PPM1L: variants seen among roughly 807,000 people sequenced by gnomAD.
The protein encoded by PPM1L is protein phosphatase 1L.
Under a neutral mutation model 31.4 loss-of-function variants are expected in PPM1L, and 13 were observed. The ratio of observed to expected loss-of-function variants is 0.41; its 90% CI spans 0.27 to 0.66. The LOEUF (loss-of-function observed/expected upper bound fraction) is 0.66, where lower values mean the gene tolerates loss of function less well. Among genes scored for constraint, PPM1L ranks in the 30% least tolerant of loss-of-function variants. The pLI, the probability that PPM1L is intolerant of heterozygous loss-of-function variation, is 0.29. For synonymous variants in PPM1L, 184 were observed against 175.4 expected, an observed-to-expected ratio of 1.05 and a Z score of -0.39; for missense variants, 326 against 453.7, an observed-to-expected ratio of 0.72 and a Z score of 2.56.
intron 2 of PPM1L, among the ~76,000 whole-genome samples, chr3:161,015,009 A>G (rs567290800): frequency 5.9e-5 from 9 of 151,958 alleles, no homozygotes; most frequent in African/African-American, 2.2e-4. Flanking sequence ...ATTAAATGGG[A>G]AAAGGTCACA....
chr3:160,883,919 A>T (rs75621526), intron 1 of PPM1L, among the ~76,000 whole-genome samples: 1 of 151,508 alleles, frequency 6.6e-6, no homozygotes, highest in Non-Finnish European at 1.5e-5. Context: ...TAAAAAAAAA[A>T]TCTATCCAGG....
In PPM1L at chr3:160,871,349, G is replaced by C. The variant is rs1439767180; in HGVS notation, c.400-90387G>C. Among the ~76,000 whole-genome samples, 4 of 143,780 alleles carry C rather than the reference G, an allele frequency of 2.8e-5. No individual in the cohort carries two copies. In the Admixed American group the frequency reaches 2.9e-4, roughly 10 times the overall value. The allele number at this position is 143,780 out of a possible 152,430, so 94.3% of individuals were successfully genotyped here. A position where few individuals can be genotyped will look rare whatever the true frequency, so the allele number is the denominator to read the frequency against. On this transcript the variant is annotated intron_variant, in intron 1 of 3. Transcript: ENST00000498165. Reference sequence around the variant, plus strand: ...GATGTATTTCAGAGGAGCAAGAGTAGAAAGGTGATACATTATCAAAAAGGT... The same window carrying C: ...GATGTATTTCAGAGGAGCAAGAGTACAAAGGTGATACATTATCAAAAAGGT...
At chr3:160,972,807 G>T (rs1376507815) in intron 2 of PPM1L, among the ~76,000 whole-genome samples, 1 of 152,146 alleles carries the variant, frequency 6.6e-6, no homozygotes, top group East Asian at 1.9e-4. Flanking sequence ...CTAGTTTACA[G>T]TCCCACCAAC....
rs987447128 is a variant in PPM1L at position 161,077,111 on chromosome 3, AT to A, written c.*7955del. 41 of 152,202 alleles carry A rather than the reference AT, an allele frequency of 2.7e-4. No individual in the cohort carries two copies. Among genetic ancestry groups the A allele is most frequent in the African/African-American group, 9.7e-4 (40 of 41,442 alleles). 9.4% of individuals were successfully genotyped at this position (152,202 alleles called of 1,614,324 possible). A position where few individuals can be genotyped will look rare whatever the true frequency, so the allele number is the denominator to read the frequency against. ...GGTGTCAGAGATATTATAACACTCA[AT>A]ATTGACCCAATGGGATGAAAATTGT... On this transcript the variant is annotated 3_prime_UTR_variant, in exon 4 of 4. Coordinates refer to ENST00000498165, the MANE Select transcript of PPM1L (RefSeq NM_139245.4).
chr3:160,989,406 C>A (rs1461656084), intron 2 of PPM1L, among the ~76,000 whole-genome samples: 2 of 149,806 alleles, frequency 1.3e-5, no homozygotes, highest in Non-Finnish European at 3.0e-5. Context: ...TTATTTAAAA[C>A]AATTTTTTTT....
intron 1 of PPM1L, among the ~76,000 whole-genome samples, chr3:160,890,280 G>A (rs546247242): frequency 2.0e-5 from 3 of 152,084 alleles, no homozygotes; most frequent in East Asian, 1.9e-4. Context: ...TAGCTTATAC[G>A]CAACTTCAGC....
At chr3:161,053,301 T>C (rs1719327023) in intron 2 of PPM1L, among the ~76,000 whole-genome samples, 1 of 152,324 alleles carries the variant, frequency 6.6e-6, no homozygotes, top group East Asian at 1.9e-4. Flanking sequence ...TCTGCTTGAA[T>C]GTACCTCAAA....
chr3:160,944,450 A>G (rs1023869912), intron 1 of PPM1L, among the ~76,000 whole-genome samples: 8 of 150,918 alleles, frequency 5.3e-5, no homozygotes, highest in African/African-American at 1.9e-4. Flanking sequence ...GTCTGGGTGT[A>G]TTTTTACCCA....
chr3:160,773,197 G>T (rs1444890112), intron 1 of PPM1L, among the ~76,000 whole-genome samples: 1 of 152,174 alleles, frequency 6.6e-6, no homozygotes, highest in African/African-American at 2.4e-5. Flanking sequence ...ATTGTAGTAG[G>T]TGTGAAGCAG....
At chr3:160,813,405 T>G (rs968610909) in intron 1 of PPM1L, among the ~76,000 whole-genome samples, 1 of 152,296 alleles carries the variant, frequency 6.6e-6, no homozygotes, top group East Asian at 1.9e-4. Context: ...AGTGGCACAG[T>G]CTTGGCTCAC....
rs556561526 is a variant in PPM1L at position 160,770,305 on chromosome 3, A to T, written c.399+13598A>T. On this transcript the variant is annotated intron_variant, in intron 1 of 3. Transcript: ENST00000498165. The stretch of plus-strand genomic sequence containing the variant: ...AGAACAATATTTTTTAATACTGATG[A>T]TAGTGGATGTTATCATGTTCCTGTG... Among the ~76,000 whole-genome samples, 34 of 152,286 alleles carry T rather than the reference A, an allele frequency of 2.2e-4. No individual in the cohort carries two copies. In the South Asian group the frequency reaches 7.0e-3, roughly 32 times the overall value.
intron 1 of PPM1L, among the ~76,000 whole-genome samples, chr3:160,836,458 A>G (rs1440988776): frequency 6.6e-6 from 1 of 152,160 alleles, no homozygotes; most frequent in African/African-American, 2.4e-5. Context: ...TGTGCTTTTG[A>G]GCAAGTCATT....
Position 160,756,615 on chromosome 3 carries a change from G to C in PPM1L, c.307G>C (p.Asp103His). The C allele has an allele frequency of 6.2e-7, 1 of 1,614,166 alleles. No homozygotes were observed. Among genetic ancestry groups the C allele is most frequent in the Non-Finnish European group, 8.5e-7 (1 of 1,180,028 alleles). The change falls in exon 1 of 4, where the codon GAC becomes CAC. Residue 103 changes from aspartate to histidine, a missense_variant. By Grantham distance (81) the Asp-to-His change is moderately conservative. Around this residue, in one of 3 missense-constraint regions of PPM1L, gnomAD observed 83 missense variants for 79.4 expected, o/e 1.04. Coordinates refer to ENST00000498165, the MANE Select transcript of PPM1L (RefSeq NM_139245.4). This position sits in a 1 kb window ranked among gnomAD's most constrained non-coding sequence, Gnocchi z 6.2. ...GGTGTACTCCATCCAGGGCCGGAGA[G>C]ACCACATGGAGGACCGCTTCGAAGT... ...VAVYSIQGRR[D>H]HMEDRFEVLT...
At chr3:160,872,835 G>A (rs1156440563) in intron 1 of PPM1L, among the ~76,000 whole-genome samples, 1 of 152,096 alleles carries the variant, frequency 6.6e-6, no homozygotes, top group Non-Finnish European at 1.5e-5. Flanking sequence ...TCTGGGACAG[G>A]AGAATCGCTT....
chr3:160,800,812 C>T (rs1465471585), intron 1 of PPM1L, among the ~76,000 whole-genome samples: 2 of 152,036 alleles, frequency 1.3e-5, no homozygotes, highest in African/African-American at 4.8e-5. Context: ...GTCTGGCATC[C>T]TTATAATTCT....
chr3:160,975,904 C>T (rs2108029000), intron 2 of PPM1L, among the ~76,000 whole-genome samples: 1 of 147,352 alleles, frequency 6.8e-6, no homozygotes, highest in Admixed American at 6.9e-5. Flanking sequence ...GAACTTCCAA[C>T]ACTATGTTGA....
intron 2 of PPM1L, among the ~76,000 whole-genome samples, chr3:161,031,262 G>A (rs1162073549): frequency 6.6e-6 from 1 of 152,176 alleles, no homozygotes; most frequent in Non-Finnish European, 1.5e-5. Flanking sequence ...TAGTGGTTAT[G>A]GTGGCTTTGT....
rs1720009897 is a variant in PPM1L, at chr3:161,073,693, C to T, written c.*4536C>T. On this transcript the variant is annotated 3_prime_UTR_variant, in exon 4 of 4. Coordinates refer to ENST00000498165, the MANE Select transcript of PPM1L (RefSeq NM_139245.4). ...TCTCCTGCCTCAGCCTCCTGAGCAGCTGGGACTACAGGCGGCCTCCACCAC... is the reference window on the plus strand; with the variant it reads ...TCTCCTGCCTCAGCCTCCTGAGCAGTTGGGACTACAGGCGGCCTCCACCAC... The T allele has an allele frequency of 1.3e-5, 2 of 152,210 alleles. No homozygotes were observed. The highest frequency in any genetic ancestry group is 1.9e-4 in the East Asian group (1 of 5,196). 9.4% of individuals were successfully genotyped at this position (152,210 alleles called of 1,614,324 possible).
At chr3:160,772,878 A>G (rs150009486) in intron 1 of PPM1L, among the ~76,000 whole-genome samples, 2 of 152,104 alleles carry the variant, frequency 1.3e-5, no homozygotes, top group East Asian at 1.9e-4. Context: ...AGATTCATCC[A>G]TGTTGTTCCA....
Sources: allele counts gnomAD v4.1 joint callset (sites outside exome capture counted in the v4.1 genomes callset), GRCh38; gene constraint gnomAD v4.1.1; regional missense constraint gnomAD v4.1.1; non-coding constraint Gnocchi (gnomAD v3.1); transcripts MANE v1.5; gene names NCBI Gene and HGNC (gene_info 2026-07-23, HGNC 2026-07-21).